The following HS3ST4 variants were observed in gnomAD, a reference collection of about 807,000 sequenced individuals.
HS3ST4 encodes heparan sulfate glucosamine 3-O-sulfotransferase 4.
Under a neutral mutation model 29.2 loss-of-function variants are expected in HS3ST4, and 17 were observed. That is an observed-to-expected ratio of 0.58 (90% confidence interval 0.40 to 0.87). The LOEUF (loss-of-function observed/expected upper bound fraction) is 0.87. Among genes scored for constraint, HS3ST4 ranks in the 40% least tolerant of loss-of-function variants. The pLI is 0.00. For missense variants in HS3ST4, 627 were observed against 634.5 expected (o/e 0.99, Z 0.13); for synonymous variants, 314 against 285.7 (o/e 1.10, Z -1.00).
intron 1 of HS3ST4, among the ~76,000 whole-genome samples, chr16:25,997,245 G>A (rs1969166027): frequency 1.3e-5 from 2 of 152,060 alleles, no homozygotes; most frequent in Non-Finnish European, 2.9e-5. Context: ...ATTGATGCAG[G>A]TCAACCTTTG....
intron 1 of HS3ST4, among the ~76,000 whole-genome samples, chr16:25,867,246 C>T (rs1307316005): frequency 6.6e-6 from 1 of 152,114 alleles, no homozygotes; most frequent in Non-Finnish European, 1.5e-5. Context: ...GGAAATTCCC[C>T]AAAGGCTTAA....
chr16:25,953,853 G>A (rs1968703389), intron 1 of HS3ST4, among the ~76,000 whole-genome samples: 1 of 152,202 alleles, frequency 6.6e-6, no homozygotes, highest in Non-Finnish European at 1.5e-5. Flanking sequence ...ATACTTCAGA[G>A]TTGTCCACCT....
intron 1 of HS3ST4, among the ~76,000 whole-genome samples, chr16:25,855,084 G>A (rs575469786): frequency 6.6e-6 from 1 of 152,304 alleles, no homozygotes; most frequent in African/African-American, 2.4e-5. Flanking sequence ...TGGGTCAAAA[G>A]GGTGGTGGGG....
At chr16:25,769,673 CA>C (rs1365714610) in intron 1 of HS3ST4, among the ~76,000 whole-genome samples, 2 of 152,168 alleles carry the variant, frequency 1.3e-5, no homozygotes, top group Non-Finnish European at 2.9e-5. Flanking sequence ...TTAATAAGCA[CA>C]TATTTAGCTG....
At chr16:25,713,441 T>C (rs1037774093) in intron 1 of HS3ST4, among the ~76,000 whole-genome samples, 11 of 152,048 alleles carry the variant, frequency 7.2e-5, no homozygotes, top group African/African-American at 2.4e-4. Flanking sequence ...GGTGAGAGGA[T>C]TGCTTGAGCC....
At chr16:25,892,668 C>T (rs979129110) in intron 1 of HS3ST4, among the ~76,000 whole-genome samples, 1 of 152,150 alleles carries the variant, frequency 6.6e-6, no homozygotes, top group Non-Finnish European at 1.5e-5. Context: ...CTGAAAAGTC[C>T]TGGGGGAGAT....
chr16:25,717,034 A>G (rs906597685), intron 1 of HS3ST4, among the ~76,000 whole-genome samples: 1 of 152,266 alleles, frequency 6.6e-6, no homozygotes, highest in East Asian at 1.9e-4. Flanking sequence ...AGCCTGGGCA[A>G]CAAGAGCAAA....
intron 1 of HS3ST4, among the ~76,000 whole-genome samples, chr16:25,834,862 G>A (rs954545422): frequency 1.3e-5 from 2 of 152,048 alleles, no homozygotes; most frequent in African/African-American, 4.8e-5. Flanking sequence ...CACAAGAATC[G>A]CTTGAACCTG....
intron 1 of HS3ST4, among the ~76,000 whole-genome samples, chr16:25,845,751 TTC>T (rs952671246): frequency 6.6e-6 from 1 of 151,892 alleles, no homozygotes; most frequent in Admixed American, 6.6e-5. Context: ...GTCTTTCTCA[TTC>T]TCTCTCTTCA....
intron 1 of HS3ST4, among the ~76,000 whole-genome samples, chr16:26,048,432 C>G (rs1170540953): frequency 6.6e-6 from 1 of 152,174 alleles, no homozygotes; most frequent in Non-Finnish European, 1.5e-5. Flanking sequence ...TCTAGGCCAC[C>G]ATTTCCGTGC....
chr16:25,826,945 T>C (rs1483882898), intron 1 of HS3ST4, among the ~76,000 whole-genome samples: 2 of 152,114 alleles, frequency 1.3e-5, no homozygotes, highest in African/African-American at 4.8e-5. Flanking sequence ...GCTGCAGTCC[T>C]CGGTGTGCCT....
At chr16:25,753,635 A>C (rs1966735984) in intron 1 of HS3ST4, among the ~76,000 whole-genome samples, 1 of 152,188 alleles carries the variant, frequency 6.6e-6, no homozygotes, top group South Asian at 2.1e-4. Context: ...TCAAGTAACG[A>C]GTCCTAGTCT....
intron 1 of HS3ST4, among the ~76,000 whole-genome samples, chr16:25,812,241 C>T (rs148020595): frequency 2.2e-4 from 33 of 152,306 alleles, no homozygotes; most frequent in African/African-American, 7.7e-4. Flanking sequence ...GGAATACATA[C>T]TCCATGTGGC....
At chr16:26,104,034 T>C (rs1056501550) in intron 1 of HS3ST4, among the ~76,000 whole-genome samples, 2 of 152,210 alleles carry the variant, frequency 1.3e-5, no homozygotes, top group African/African-American at 4.8e-5. Flanking sequence ...TTTAAAACAC[T>C]GGGAATGCAT....
intron 1 of HS3ST4, among the ~76,000 whole-genome samples, chr16:26,082,094 C>T (rs1183433533): frequency 2.6e-5 from 4 of 152,088 alleles, no homozygotes; most frequent in East Asian, 1.9e-4. Flanking sequence ...CGGACACGGC[C>T]GGGAGTGCAT....
chr16:26,051,032 G>A (rs1004855484), intron 1 of HS3ST4, among the ~76,000 whole-genome samples: 10 of 152,114 alleles, frequency 6.6e-5, no homozygotes, highest in African/African-American at 2.4e-4. Flanking sequence ...TTGAGTTTAA[G>A]GAGACTGGCA....
intron 1 of HS3ST4, among the ~76,000 whole-genome samples, chr16:25,994,312 C>T (rs1364020660): frequency 6.6e-6 from 1 of 151,784 alleles, no homozygotes; most frequent in Non-Finnish European, 1.5e-5. Flanking sequence ...TTATTTTGTT[C>T]TGTATAGTCT....
chr16:25,913,351 A>G (rs569168360), intron 1 of HS3ST4, among the ~76,000 whole-genome samples: 1 of 152,362 alleles, frequency 6.6e-6, no homozygotes, highest in East Asian at 1.9e-4. Flanking sequence ...GTGCCCTTTT[A>G]TGAAAGCCTG....
At chr16:25,698,289 A>C (rs1441903713) in intron 1 of HS3ST4, among the ~76,000 whole-genome samples, 3 of 152,034 alleles carry the variant, frequency 2.0e-5, no homozygotes, top group African/African-American at 7.2e-5. Context: ...AGGTGATGTA[A>C]ATGGAGTAAC....
Sources: gnomAD v4.1 joint callset for allele counts (sites outside exome capture counted in the v4.1 genomes callset) on GRCh38, gnomAD v4.1.1 for gene constraint, MANE v1.5 for transcripts, NCBI Gene and HGNC (gene_info 2026-07-23, HGNC 2026-07-21) for gene names.